NKAIN3: variants seen among roughly 807,000 people sequenced by gnomAD.
NKAIN3 encodes the protein sodium/potassium transporting ATPase interacting 3, also known as sodium/potassium-transporting ATPase subunit beta-1-interacting protein 3.
In NKAIN3, 25 loss-of-function variants were observed where a neutral mutation model predicts 30.2. The observed-to-expected ratio is 0.83, with a 90% CI of 0.60 to 1.16. The LOEUF is 1.16. Among genes scored for constraint, NKAIN3 ranks in the 50% most tolerant of loss-of-function variants. The pLI, the probability that NKAIN3 is intolerant of heterozygous loss-of-function variation, is 0.00. For missense variants in NKAIN3, 225 were observed against 254.1 expected, an observed-to-expected ratio of 0.89 and a Z score of 0.78; for synonymous variants, 91 against 89.6, an observed-to-expected ratio of 1.02 and a Z score of -0.09.
Position 62,328,128 on chromosome 8 carries a change from C to T in NKAIN3, c.54+79001C>T, listed in dbSNP as rs756306999. Among the ~76,000 whole-genome samples, 28 of 151,872 alleles carry T rather than the reference C, an allele frequency of 1.8e-4. 1 individual carries two copies. The highest frequency in any genetic ancestry group is 6.6e-5 in the Admixed American group (1 of 15,232). ...TGAAAAATGTATATCAATTTTGTAC[C>T]TGTGGGTTAAAACTTCATTAGAACA... is the stretch of plus-strand genomic sequence containing the variant. On this transcript the variant is annotated intron_variant, in intron 1 of 6. Coordinates refer to ENST00000623646, the MANE Select transcript of NKAIN3 (RefSeq NM_001304533.3).
intron 1 of NKAIN3, among the ~76,000 whole-genome samples, chr8:62,419,105 G>T (rs77567356): frequency 6.6e-6 from 1 of 152,116 alleles, no homozygotes; most frequent in Admixed American, 6.6e-5. Flanking sequence ...CTAAAGGGAC[G>T]TAGGACTATA....
At chr8:62,745,984 A>G (rs1408475078) in intron 3 of NKAIN3, among the ~76,000 whole-genome samples, 1 of 152,210 alleles carries the variant, frequency 6.6e-6, no homozygotes, top group Non-Finnish European at 1.5e-5. Flanking sequence ...TCTCACCAAT[A>G]TTAGTTTCTC....
chr8:62,857,150 A>G (rs1820086451), intron 4 of NKAIN3: 1 of 348,416 alleles, frequency 2.9e-6, no homozygotes, highest in South Asian at 2.5e-5. Context: ...TTCCTTTAAG[A>G]ATGTTGAATA....
At chr8:62,894,426 T>A (rs1363227518) in intron 4 of NKAIN3, among the ~76,000 whole-genome samples, 1 of 152,228 alleles carries the variant, frequency 6.6e-6, no homozygotes, top group Non-Finnish European at 1.5e-5. Context: ...TTGTTTTGGT[T>A]TCACTTGTTC....
At chr8:62,926,910 CTTAA>C (rs920253980) in intron 5 of NKAIN3, among the ~76,000 whole-genome samples, 71 of 152,258 alleles carry the variant, frequency 4.7e-4, no homozygotes, top group African/African-American at 1.6e-3. Flanking sequence ...ACCTTGCTCT[CTTAA>C]TTATTTTTTC....
rs1013937085 is a variant in NKAIN3, at chr8:62,981,129, T to C, written c.*15722T>C. The C allele has an allele frequency of 6.6e-6, 1 of 152,228 alleles. No homozygotes were observed. The highest frequency in any genetic ancestry group is 2.4e-5 in the African/African-American group (1 of 41,468). 9.4% of individuals were successfully genotyped at this position (152,228 alleles called of 1,614,324 possible). A position where few individuals can be genotyped will look rare whatever the true frequency, so the allele number is the denominator to read the frequency against. On this transcript the variant is annotated 3_prime_UTR_variant, in exon 7 of 7. Transcript: ENST00000623646. ...ATAACTCCTGGTCCCATTTTATTCT[T>C]TCCTCATTTGTTCAGTGCTCATGGC...
intron 3 of NKAIN3, among the ~76,000 whole-genome samples, chr8:62,659,374 G>A (rs116253062): frequency 2.3e-4 from 35 of 152,168 alleles, no homozygotes; most frequent in African/African-American, 8.0e-4. Flanking sequence ...TCTATATCAG[G>A]GTTATTATAT....
chr8:62,467,857 C>T (rs955218536), intron 1 of NKAIN3, among the ~76,000 whole-genome samples: 3 of 152,132 alleles, frequency 2.0e-5, no homozygotes, highest in Admixed American at 6.6e-5. Flanking sequence ...CCTTGACCTT[C>T]TGATCTCAAG....
intron 1 of NKAIN3, among the ~76,000 whole-genome samples, chr8:62,373,770 A>G (rs1816981355): frequency 6.6e-6 from 1 of 152,190 alleles, no homozygotes; most frequent in Non-Finnish European, 1.5e-5. Context: ...AAATGTGTGC[A>G]CTGTCACTTC....
At chr8:62,879,197 C>T (rs201613227) in intron 4 of NKAIN3, among the ~76,000 whole-genome samples, 9 of 152,092 alleles carry the variant, frequency 5.9e-5, no homozygotes, top group South Asian at 2.1e-4. Context: ...TTTTAATGAT[C>T]GCCATTCTAA....
intron 1 of NKAIN3, among the ~76,000 whole-genome samples, chr8:62,354,542 C>T (rs1236951691): frequency 1.3e-5 from 2 of 152,116 alleles, no homozygotes; most frequent in Admixed American, 1.3e-4. Flanking sequence ...TTCCCAGGTT[C>T]AAGTGATTCT....
chr8:62,369,650 T>A (rs1332066982), intron 1 of NKAIN3, among the ~76,000 whole-genome samples: 1 of 152,014 alleles, frequency 6.6e-6, no homozygotes, highest in East Asian at 1.9e-4. Context: ...TCTTAAATAT[T>A]AAGGCATACC....
chr8:62,980,946 C>T lies in NKAIN3; in HGVS notation c.*15539C>T, dbSNP rs1303917080. ...GGAACTCAAATTATCTAAGGTTTAC[C>T]CAGAAGTCAAAATCACCTGGCCCTC... On this transcript the variant is annotated 3_prime_UTR_variant, in exon 7 of 7. Transcript: ENST00000623646. 6.6e-6 allele frequency: 1 copy of T among 152,064 alleles called. No individual in the cohort carries two copies. The highest frequency in any genetic ancestry group is 2.4e-5 in the African/African-American group (1 of 41,392). 9.4% of individuals were successfully genotyped at this position (152,064 alleles called of 1,614,324 possible).
intron 1 of NKAIN3, among the ~76,000 whole-genome samples, chr8:62,462,895 G>A (rs1255726998): frequency 6.6e-6 from 1 of 152,096 alleles, no homozygotes; most frequent in Non-Finnish European, 1.5e-5. Context: ...GCAAACCTTG[G>A]TGCAGTCCAT....
chr8:62,655,730 GT>G (rs1443576092), intron 3 of NKAIN3, among the ~76,000 whole-genome samples: 1 of 152,114 alleles, frequency 6.6e-6, no homozygotes, highest in Non-Finnish European at 1.5e-5. Context: ...AGTGGGCGAA[GT>G]TTTGCAGGCA....
At chr8:62,252,049 C>T (rs1335567198) in intron 1 of NKAIN3, among the ~76,000 whole-genome samples, 2 of 152,188 alleles carry the variant, frequency 1.3e-5, no homozygotes, top group East Asian at 1.9e-4. Context: ...CCAATTCTAA[C>T]TCTGAGCCCG....
intron 3 of NKAIN3, among the ~76,000 whole-genome samples, chr8:62,664,765 A>G (rs905058365): frequency 6.6e-6 from 1 of 152,158 alleles, no homozygotes; most frequent in African/African-American, 2.4e-5. Flanking sequence ...CAGTGTTTAG[A>G]TAACATACTT....
At chr8:62,511,664 T>C (rs987286319) in intron 1 of NKAIN3, among the ~76,000 whole-genome samples, 1 of 152,186 alleles carries the variant, frequency 6.6e-6, no homozygotes, top group African/African-American at 2.4e-5. Context: ...TCTTGCTTTC[T>C]CTACCACAGT....
chr8:62,409,105 A>G (rs1296448346), intron 1 of NKAIN3, among the ~76,000 whole-genome samples: 1 of 152,218 alleles, frequency 6.6e-6, no homozygotes, highest in Non-Finnish European at 1.5e-5. Context: ...TCTTACATCA[A>G]TTACAAGTTA....
Sources: gnomAD v4.1 joint callset for allele counts (sites outside exome capture counted in the v4.1 genomes callset) on GRCh38, gnomAD v4.1.1 for gene constraint, MANE v1.5 for transcripts, NCBI Gene and HGNC (gene_info 2026-07-23, HGNC 2026-07-21) for gene names.